The following VPS13B variants were observed in gnomAD, a reference collection of about 807,000 sequenced individuals.
VPS13B encodes the protein intermembrane lipid transfer protein VPS13B.
In VPS13B, 285 loss-of-function variants were observed where a neutral mutation model predicts 426.4. That is an observed-to-expected ratio of 0.67 (90% CI 0.61 to 0.74). The LOEUF (loss-of-function observed/expected upper bound fraction) is 0.74. Among genes scored for constraint, VPS13B ranks in the 30% least tolerant of loss-of-function variants. The pLI is 0.00. For synonymous variants in VPS13B, 1,676 were observed against 1,676.4 expected, an observed-to-expected ratio of 1.00 and a Z score of 0.01; for missense variants, 4,537 against 4,782.6, an observed-to-expected ratio of 0.95 and a Z score of 1.51.
At chr8:99,801,673 A>G (rs187026840) in intron 43 of VPS13B, among the ~76,000 whole-genome samples, 7 of 152,268 alleles carry the variant, frequency 4.6e-5, no homozygotes, top group Admixed American at 2.6e-4. Flanking sequence ...CAGAAGCCCT[A>G]TGTTTTTCTT....
intron 42 of VPS13B, among the ~76,000 whole-genome samples, 159 bp downstream of exon 42, chr8:99,779,190 C>T (rs182444824): frequency 9.9e-5 from 15 of 152,256 alleles, no homozygotes; most frequent in Admixed American, 7.8e-4. Context: ...TCTGTTTTGG[C>T]AAAGTGATGC....
intron 19 of VPS13B, among the ~76,000 whole-genome samples, chr8:99,341,953 G>T (rs528285805): frequency 6.6e-6 from 1 of 152,258 alleles, no homozygotes; most frequent in East Asian, 1.9e-4. Context: ...TTTCCATTTT[G>T]AGTTCTATAA....
chr8:99,179,018 T>C (rs1812794946), intron 16 of VPS13B, among the ~76,000 whole-genome samples: 1 of 152,206 alleles, frequency 6.6e-6, no homozygotes, highest in Non-Finnish European at 1.5e-5. Flanking sequence ...GTATTCTTCA[T>C]TATGCCTTAT....
At chr8:99,544,517 T>C (rs1179608699) in intron 30 of VPS13B, among the ~76,000 whole-genome samples, 5 of 152,178 alleles carry the variant, frequency 3.3e-5, no homozygotes, top group African/African-American at 1.2e-4. Context: ...CAGCCGTAAT[T>C]ATTATACTTA....
intron 17 of VPS13B, among the ~76,000 whole-genome samples, chr8:99,212,537 G>T (rs577411630): frequency 1.3e-5 from 2 of 152,120 alleles, no homozygotes; most frequent in Non-Finnish European, 2.9e-5. Context: ...GAAGACAGGT[G>T]GAGGAAGGCA....
At chr8:99,092,544 T>C (rs543739672) in intron 3 of VPS13B, among the ~76,000 whole-genome samples, 75 of 152,242 alleles carry the variant, frequency 4.9e-4, no homozygotes, top group African/African-American at 1.7e-3. Context: ...AATTTCAGTC[T>C]TAATAGTAAA....
intron 41 of VPS13B, among the ~76,000 whole-genome samples, chr8:99,777,711 GCA>G (rs1811812779): frequency 6.6e-6 from 1 of 152,064 alleles, no homozygotes; most frequent in African/African-American, 2.4e-5. Context: ...CAAAAGATAG[GCA>G]CAGTCTCAAA....
At chr8:99,189,056 C>T (rs900575327) in intron 16 of VPS13B, among the ~76,000 whole-genome samples, 9 of 152,152 alleles carry the variant, frequency 5.9e-5, no homozygotes, top group Non-Finnish European at 1.0e-4. Flanking sequence ...CCTGCCACCA[C>T]GCCCGGCTAA....
At chr8:99,513,754 CTATT>C (rs1289311031) in intron 29 of VPS13B, among the ~76,000 whole-genome samples, 2 of 152,058 alleles carry the variant, frequency 1.3e-5, no homozygotes, top group Non-Finnish European at 2.9e-5. Context: ...GATTCATTGC[CTATT>C]TATTAAGTTT....
intron 2 of VPS13B, among the ~76,000 whole-genome samples, chr8:99,029,352 G>T (rs555517316): frequency 6.6e-6 from 1 of 151,894 alleles, no homozygotes; most frequent in Admixed American, 6.5e-5. Context: ...AGGCAGAGAC[G>T]CTCCTCACTT....
intron 35 of VPS13B, among the ~76,000 whole-genome samples, chr8:99,670,252 AATGAGG>A (rs1563854503): frequency 1.3e-5 from 2 of 152,012 alleles, no homozygotes; most frequent in Non-Finnish European, 2.9e-5. Flanking sequence ...TGGAGTAGAA[AATGAGG>A]AATAAATAAT....
chr8:99,846,979 A>G (rs1430337174), intron 54 of VPS13B, among the ~76,000 whole-genome samples: 1 of 152,168 alleles, frequency 6.6e-6, no homozygotes, highest in East Asian at 1.9e-4. Flanking sequence ...ATAATTTCAT[A>G]TCTTTCAACC....
At chr8:99,632,172 A>T (rs1412721893) in intron 33 of VPS13B, among the ~76,000 whole-genome samples, 1 of 151,914 alleles carries the variant, frequency 6.6e-6, no homozygotes, top group Non-Finnish European at 1.5e-5. Flanking sequence ...AAGACATCCT[A>T]ATAAGATCAG....
intron 17 of VPS13B, among the ~76,000 whole-genome samples, chr8:99,269,145 T>C (rs1020594055): frequency 3.9e-5 from 6 of 152,148 alleles, no homozygotes; most frequent in African/African-American, 1.4e-4. Flanking sequence ...AATTACCCAG[T>C]CTCGAGTATT....
At chr8:99,378,841 A>G (rs1282950752) in intron 19 of VPS13B, among the ~76,000 whole-genome samples, 3 of 152,174 alleles carry the variant, frequency 2.0e-5, no homozygotes, top group Admixed American at 1.3e-4. Flanking sequence ...ATGACAGATC[A>G]TAATTTATGG....
At chr8:99,176,176 G>T (rs1312068847) in intron 16 of VPS13B, among the ~76,000 whole-genome samples, 2 of 149,940 alleles carry the variant, frequency 1.3e-5, no homozygotes, top group African/African-American at 2.5e-5. Context: ...TTGGTCTGTT[G>T]CCCAGGCTGG....
chr8:99,105,441 C>G (rs902177194), intron 5 of VPS13B, among the ~76,000 whole-genome samples: 1 of 152,110 alleles, frequency 6.6e-6, no homozygotes, highest in Non-Finnish European at 1.5e-5. Flanking sequence ...TGCAGTGACG[C>G]AATCTTGGCT....
At chr8:99,082,221 A>G (rs1176654825) in intron 3 of VPS13B, among the ~76,000 whole-genome samples, 1 of 152,134 alleles carries the variant, frequency 6.6e-6, no homozygotes, top group Non-Finnish European at 1.5e-5. Flanking sequence ...AGTGATGATG[A>G]GTATGTTTTC....
At chr8:99,402,689 G>C (rs80225703) in intron 21 of VPS13B, among the ~76,000 whole-genome samples, 3,350 of 152,260 alleles carry the variant, frequency 0.022, 132 homozygotes, top group African/African-American at 0.076. Context: ...CTTCAAATCT[G>C]CTGGCTTAGG....
Sources: allele counts gnomAD v4.1 joint callset (sites outside exome capture counted in the v4.1 genomes callset), GRCh38; gene constraint gnomAD v4.1.1; transcripts MANE v1.5; gene names NCBI Gene and HGNC (gene_info 2026-07-23, HGNC 2026-07-21).